Variants in GPHN observed in about 807,000 individuals in gnomAD.
GPHN encodes gephyrin.
Under a neutral mutation model 95.5 loss-of-function variants are expected in GPHN, and 17 were observed. The ratio of observed to expected loss-of-function variants is 0.18; its 90% confidence interval spans 0.12 to 0.27. GPHN has a LOEUF of 0.27. GPHN is among the 10% of genes least tolerant of loss of function. The probability of loss-of-function intolerance (pLI) is 1.00; values close to 1 mark genes in which losing one functional copy is unlikely to be tolerated. For missense variants in GPHN, 660 were observed against 978.1 expected (o/e 0.67, Z 4.34); for synonymous variants, 320 against 322.5 (o/e 0.99, Z 0.08).
At chr14:66,977,012 C>T (rs958348387) in intron 9 of GPHN, among the ~76,000 whole-genome samples, 41 of 150,928 alleles carry the variant, frequency 2.7e-4, no homozygotes, top group Admixed American at 9.3e-4. Flanking sequence ...AAACTATAAT[C>T]ATCAGTACTG....
rs941858538 is a variant in GPHN, at chr14:66,713,625, G to A, written c.143+32440G>A. On this transcript the variant is annotated intron_variant, in intron 2 of 22. Transcript: ENST00000478722. ...GCTTTGGCTATGCGGGCTCTTTTTT[G>A]GTTTCATATGAATGTTAGAATTTTT... Among the ~76,000 whole-genome samples the A allele has an allele frequency of 4.6e-5, 7 of 151,768 alleles. No homozygotes were observed. The South Asian group carries it at 1.2e-3, about 27-fold the overall frequency.
At chr14:66,919,507 A>G (rs2066090011) in intron 6 of GPHN, among the ~76,000 whole-genome samples, 1 of 152,178 alleles carries the variant, frequency 6.6e-6, no homozygotes, top group Non-Finnish European at 1.5e-5. Flanking sequence ...GGGATTAGGA[A>G]AATAACAGAC....
intron 2 of GPHN, among the ~76,000 whole-genome samples, chr14:66,691,575 G>A (rs2067784626): frequency 6.6e-6 from 1 of 152,118 alleles, no homozygotes; most frequent in African/African-American, 2.4e-5. Context: ...AGTTTTGTTA[G>A]GGAACACAGC....
intron 1 of GPHN, among the ~76,000 whole-genome samples, chr14:66,680,632 A>G (rs2066882136): frequency 6.6e-6 from 1 of 152,236 alleles, no homozygotes; most frequent in South Asian, 2.1e-4. Flanking sequence ...AAATCCTTCC[A>G]GAAATTAAAA....
chr14:67,713,714 G>A, the GPHN span, among the ~76,000 whole-genome samples: 2 of 152,194 alleles, frequency 1.3e-5, no homozygotes, highest in Admixed American at 1.3e-4. Context: ...CCAAGACACA[G>A]CCTCAGGAGG....
At chr14:66,614,770 G>A (rs2062932732) in intron 1 of GPHN, among the ~76,000 whole-genome samples, 1 of 151,836 alleles carries the variant, frequency 6.6e-6, no homozygotes, top group South Asian at 2.1e-4. Flanking sequence ...AAAAAAATGG[G>A]ATACATATGC....
intron 4 of GPHN, among the ~76,000 whole-genome samples, chr14:66,832,295 C>A (rs1292549360): frequency 6.6e-6 from 1 of 152,192 alleles, no homozygotes; most frequent in Non-Finnish European, 1.5e-5. Flanking sequence ...GTAAAAGGAT[C>A]TAACATAATG....
chr14:67,252,830 C>T, the GPHN span, among the ~76,000 whole-genome samples: 1 of 152,182 alleles, frequency 6.6e-6, no homozygotes, highest in South Asian at 2.1e-4. Flanking sequence ...AGAGACTGTT[C>T]TGTTCTAGTC....
chr14:67,662,517 A>T, the GPHN span: 1 of 1,611,426 alleles, frequency 6.2e-7, no homozygotes, highest in African/African-American at 1.3e-5. Context: ...AAAATCCCTG[A>T]TCAATTTCTT....
At chr14:67,648,302 C>T in the GPHN span, 4 of 1,167,500 alleles carry the variant, frequency 3.4e-6, no homozygotes, top group Non-Finnish European at 4.7e-6. Flanking sequence ...TTTGCTTAAA[C>T]TTTTGTAGCT....
At chr14:67,088,364 G>A (rs2076994526) in intron 11 of GPHN, among the ~76,000 whole-genome samples, 1 of 151,996 alleles carries the variant, frequency 6.6e-6, no homozygotes, top group South Asian at 2.1e-4. Context: ...TCTTAATACA[G>A]TTAAGACTAT....
intron 2 of GPHN, among the ~76,000 whole-genome samples, chr14:66,733,880 A>G (rs2072024322): frequency 6.6e-6 from 1 of 152,232 alleles, no homozygotes; most frequent in African/African-American, 2.4e-5. Flanking sequence ...ATTGTAGCTG[A>G]ATCCCAAACC....
intron 9 of GPHN, among the ~76,000 whole-genome samples, chr14:66,978,082 C>T (rs1391106932): frequency 2.6e-5 from 4 of 152,286 alleles, no homozygotes; most frequent in African/African-American, 7.2e-5. Flanking sequence ...TCTAAAAAAA[C>T]ACACTGTGCA....
intron 1 of GPHN, among the ~76,000 whole-genome samples, chr14:66,576,946 T>C (rs1398066231): frequency 1.3e-5 from 2 of 152,222 alleles, no homozygotes; most frequent in African/African-American, 4.8e-5. Context: ...TGAATTGCCA[T>C]GTTTTCCTTT....
At chr14:66,794,382 C>T (rs1323507430) in intron 3 of GPHN, among the ~76,000 whole-genome samples, 1 of 152,158 alleles carries the variant, frequency 6.6e-6, no homozygotes, top group African/African-American at 2.4e-5. Context: ...CCCAGATGCC[C>T]AGCAGATGCC....
chr14:67,575,309 C>A, the GPHN span: 1 of 784,344 alleles, frequency 1.3e-6, no homozygotes, highest in Non-Finnish European at 2.1e-6. Context: ...AAATCTGTCT[C>A]CCTGTGGCTT....
intron 8 of GPHN, among the ~76,000 whole-genome samples, chr14:66,950,840 T>C (rs150362053): frequency 1.9e-3 from 285 of 152,336 alleles, no homozygotes; most frequent in African/African-American, 6.7e-3. Context: ...TTTATCATTT[T>C]GAAGGGTATC....
At chr14:66,903,368 A>C (rs940545748) in intron 5 of GPHN, among the ~76,000 whole-genome samples, 1 of 152,060 alleles carries the variant, frequency 6.6e-6, no homozygotes, top group African/African-American at 2.4e-5. Flanking sequence ...GTCTATTTTT[A>C]CAGTTGTTTA....
chr14:67,562,814 A>T, the GPHN span: 2 of 1,613,846 alleles, frequency 1.2e-6, no homozygotes, highest in Non-Finnish European at 1.7e-6. Context: ...AGAGAGCCCA[A>T]AGGCCCTTGG....
Sources: allele counts gnomAD v4.1 joint callset (sites outside exome capture counted in the v4.1 genomes callset), GRCh38; gene constraint gnomAD v4.1.1; transcripts MANE v1.5; gene names NCBI Gene and HGNC (gene_info 2026-07-23, HGNC 2026-07-21).